AGBL2: variants seen among roughly 807,000 people sequenced by gnomAD.
AGBL2 encodes the protein AGBL carboxypeptidase 2.
A neutral mutation model predicts 103.0 loss-of-function variants in AGBL2; 87 were observed. The ratio of observed to expected loss-of-function variants is 0.84; its 90% CI spans 0.71 to 1.01. The LOEUF (loss-of-function observed/expected upper bound fraction) is 1.01. Among genes scored for constraint, AGBL2 ranks in the 50% least tolerant of loss-of-function variants. The pLI is 0.00. For missense variants in AGBL2, 904 were observed against 1,023.5 expected (o/e 0.88, Z 1.59); for synonymous variants, 335 against 356.7 (o/e 0.94, Z 0.69).
intron 4 of AGBL2, among the ~76,000 whole-genome samples, chr11:47,708,343 C>G (rs148699316): frequency 6.6e-6 from 1 of 150,802 alleles, no homozygotes; most frequent in South Asian, 2.2e-4. Context: ...GCTGGGATTA[C>G]AGGCATGAGC....
At chr11:47,704,521 C>T in intron 7 of AGBL2, 22 bp downstream of exon 7, 1 of 1,558,430 alleles carries the variant, frequency 6.4e-7, no homozygotes. Context: ...ATAGCAAGAC[C>T]ACTGTGAGTA....
At chr11:47,663,167 C>T in intron 17 of AGBL2, 55 bp from the exon 18 acceptor site, 2 of 1,051,120 alleles carry the variant, frequency 1.9e-6, no homozygotes, top group Non-Finnish European at 2.8e-6. Context: ...AGTGTGATTA[C>T]AGTGAATATA....
intron 3 of AGBL2, among the ~76,000 whole-genome samples, chr11:47,713,065 G>A (rs1220642329): frequency 5.3e-5 from 8 of 150,028 alleles, no homozygotes; most frequent in Non-Finnish European, 7.4e-5. Flanking sequence ...AACACTGGGC[G>A]CGGTAAGCTC....
chr11:47,710,730 A>C, intron 3 of AGBL2: 1 of 614,520 alleles, frequency 1.6e-6, no homozygotes, highest in Non-Finnish European at 3.0e-6. Context: ...TGAAGAGGAG[A>C]CTTGAGAAGC....
Position 47,705,648 on chromosome 11 carries a change from A to AAG in AGBL2, c.287-15_287-14insCT, listed in dbSNP as rs753198484. On this transcript the variant is annotated splice_polypyrimidine_tract_variant and intron_variant, in intron 5 of 18. Transcript: ENST00000525123. ...AAGAGTGAAAGTCTGTGTCAAAAAAAAAAAAAAAAGAAAAAGAAAAAGAAG... is the reference window on the plus strand; with the variant it reads ...AAGAGTGAAAGTCTGTGTCAAAAAAAAGAAAAAAAAAGAAAAAGAAAAAGAAG... 8 of 581,666 alleles carry AAG rather than the reference A, an allele frequency of 1.4e-5. No homozygotes were observed. The highest frequency in any genetic ancestry group is 2.2e-5 in the Non-Finnish European group (7 of 325,576). 36.0% of individuals were successfully genotyped at this position (581,666 alleles called of 1,614,324 possible).
At chr11:47,703,532 T>G (rs1185995965) in intron 7 of AGBL2, among the ~76,000 whole-genome samples, 1 of 152,224 alleles carries the variant, frequency 6.6e-6, no homozygotes, top group Non-Finnish European at 1.5e-5. Flanking sequence ...GGCTTATGCC[T>G]GTAATCCCAG....
At chr11:47,664,536 C>T (rs993471033) in intron 17 of AGBL2, among the ~76,000 whole-genome samples, 5 of 151,902 alleles carry the variant, frequency 3.3e-5, no homozygotes, top group East Asian at 1.9e-4. Flanking sequence ...CTCAGCCTCC[C>T]GAGTAGCTGG....
intron 17 of AGBL2, among the ~76,000 whole-genome samples, chr11:47,664,011 C>T (rs1442554322): frequency 2.0e-5 from 3 of 151,882 alleles, no homozygotes; most frequent in Admixed American, 6.6e-5. Context: ...CCTGCCACCA[C>T]GCCTGGCTAA....
intron 15 of AGBL2, among the ~76,000 whole-genome samples, 200 bp downstream of exon 15, chr11:47,668,641 T>C (rs965800767): frequency 6.6e-5 from 10 of 152,204 alleles, no homozygotes; most frequent in Non-Finnish European, 5.9e-5. Context: ...GTTTGGGTGT[T>C]ACCTTAAGAT....
At chr11:47,696,022 A>G (rs1426711287) in intron 8 of AGBL2, among the ~76,000 whole-genome samples, 37 of 32,030 alleles carry the variant, frequency 1.2e-3, no homozygotes, top group Admixed American at 5.0e-3. Context: ...AAAAAAAAAA[A>G]AAAAAAAAAA....
intron 10 of AGBL2, among the ~76,000 whole-genome samples, chr11:47,688,656 C>T (rs1422831426): frequency 1.3e-5 from 2 of 152,178 alleles, no homozygotes; most frequent in African/African-American, 4.8e-5. Flanking sequence ...TATTTTTCCA[C>T]TCTACAGATG....
chr11:47,679,780 A>T (rs1216097614), intron 13 of AGBL2, among the ~76,000 whole-genome samples, 193 bp downstream of exon 13: 1 of 151,834 alleles, frequency 6.6e-6, no homozygotes, highest in Non-Finnish European at 1.5e-5. Context: ...AGCTGGGATT[A>T]CAGGCACATG....
rs188945442 is a variant in AGBL2, at chr11:47,670,868, G to A, written c.2148-1961C>T. Among the ~76,000 whole-genome samples, 604 of 152,020 alleles carry A rather than the reference G, an allele frequency of 4.0e-3. 3 individuals carry two copies. The highest frequency in any genetic ancestry group is 3.8e-3 in the Non-Finnish European group (257 of 67,988). ...AAATTAGCCAGGTGTGGTGGTGTAC[G>A]CCTATAGTCCCAGCTACTGGGGAGG... On this transcript the variant is annotated intron_variant, in intron 14 of 18. Coordinates refer to ENST00000525123, the MANE Select transcript of AGBL2 (RefSeq NM_024783.4).
At chr11:47,668,172 G>A (rs2097346712) in intron 15 of AGBL2, among the ~76,000 whole-genome samples, 1 of 125,974 alleles carries the variant, frequency 7.9e-6, no homozygotes, top group Admixed American at 1.0e-4. Context: ...TCACGCCCCT[G>A]AACTCCAGCC....
chr11:47,692,557 G>A (rs1287310341), intron 8 of AGBL2, among the ~76,000 whole-genome samples: 3 of 151,004 alleles, frequency 2.0e-5, no homozygotes, highest in South Asian at 2.1e-4. Flanking sequence ...GACTACAGGC[G>A]CCCACCACCA....
At chr11:47,660,432 G>T in intron 18 of AGBL2, 86 bp from the exon 19 acceptor site, 1 of 1,249,040 alleles carries the variant, frequency 8.0e-7, no homozygotes. Flanking sequence ...GGCTTTACAA[G>T]GAGCTGGTGA....
chr11:47,706,151 G>A (rs1021995537), intron 4 of AGBL2, among the ~76,000 whole-genome samples: 1 of 152,218 alleles, frequency 6.6e-6, no homozygotes, highest in African/African-American at 2.4e-5. Flanking sequence ...TTTGGGCACG[G>A]TAGCTCACAC....
intron 17 of AGBL2, among the ~76,000 whole-genome samples, chr11:47,666,391 C>CAAA: frequency 9.0e-6 from 1 of 111,414 alleles, no homozygotes; most frequent in South Asian, 2.7e-4. Context: ...GACTCCATCT[C>CAAA]AAAAAAAAAA....
chr11:47,682,522 A>G (rs1328016014), intron 11 of AGBL2, among the ~76,000 whole-genome samples: 1 of 152,102 alleles, frequency 6.6e-6, no homozygotes, highest in Non-Finnish European at 1.5e-5. Context: ...GCACTAGCCA[A>G]CCTTTCTAAG....
Sources: allele counts gnomAD v4.1 joint callset (sites outside exome capture counted in the v4.1 genomes callset), GRCh38; gene constraint gnomAD v4.1.1; transcripts MANE v1.5; gene names NCBI Gene and HGNC (gene_info 2026-07-23, HGNC 2026-07-21).